Variants in LRRC74A observed in about 807,000 individuals in gnomAD.
LRRC74A encodes the protein leucine-rich repeat-containing protein 74A.
In LRRC74A, 44 loss-of-function variants were observed where a neutral mutation model predicts 57.9. That is an observed-to-expected ratio of 0.76 (90% confidence interval 0.60 to 0.98). The LOEUF (loss-of-function observed/expected upper bound fraction) is 0.98, where lower values mean the gene tolerates loss of function less well. Among genes scored for constraint, LRRC74A ranks in the 50% least tolerant of loss-of-function variants. The pLI, the probability that LRRC74A is intolerant of heterozygous loss-of-function variation, is 0.00. For synonymous variants in LRRC74A, 211 were observed against 219.4 expected (o/e 0.96, Z 0.34); for missense variants, 572 against 574.0 (o/e 1.00, Z 0.04).
chr14:76,860,656 C>A (rs1212933381), intron 10 of LRRC74A, 37 bp from the exon 11 acceptor site: 1 of 1,563,740 alleles, frequency 6.4e-7, no homozygotes, highest in South Asian at 1.2e-5. Context: ...GATGGCAGTG[C>A]CCTCATCATC....
chr14:76,836,791 CAA>C (rs11339843), intron 4 of LRRC74A, among the ~76,000 whole-genome samples: 65 of 92,880 alleles, frequency 7.0e-4, no homozygotes, highest in East Asian at 1.0e-3. Context: ...GACTCCATCT[CAA>C]AAAAAAAAAA....
In LRRC74A at chr14:76,852,355, CCT is replaced by C; in HGVS notation, c.677-9_677-8del. ...TGGGAGATGCTAAGCCGATTCCCTC[CCT>C]GTTTCAGCCATCAACGTGGGGCTCA... On this transcript the variant is annotated splice_polypyrimidine_tract_variant and splice_region_variant and intron_variant, in intron 7 of 13. Transcript: ENST00000689127. 1 of 1,600,252 alleles carries C rather than the reference CCT, an allele frequency of 6.2e-7. No individual in the cohort carries two copies. Among genetic ancestry groups the C allele is most frequent in the Non-Finnish European group, 8.6e-7 (1 of 1,169,274 alleles).
At chr14:76,854,512 C>T (rs914758885) in intron 9 of LRRC74A, among the ~76,000 whole-genome samples, 1 of 152,154 alleles carries the variant, frequency 6.6e-6, no homozygotes, top group Non-Finnish European at 1.5e-5. Context: ...GAGGCTGAGG[C>T]AGGAGAATCA....
chr14:76,838,003 T>C (rs756534698), intron 5 of LRRC74A, 32 bp downstream of exon 5: 40 of 1,376,038 alleles, frequency 2.9e-5, no homozygotes, highest in South Asian at 1.0e-4. Context: ...GAGAAGACAC[T>C]GGGAATCAGA....
rs1035286862 is a variant in LRRC74A at position 76,837,758 on chromosome 14, C to G, written c.448-117C>G. 8 of 580,794 alleles carry G rather than the reference C, an allele frequency of 1.4e-5. No homozygotes were observed. The African/African-American group carries it at 1.5e-4, about 11-fold the overall frequency. The allele number at this position is 580,794 out of a possible 1,614,324, so 36.0% of individuals were successfully genotyped here. On this transcript the variant is annotated intron_variant, in intron 4 of 13. Coordinates refer to ENST00000689127, the MANE Select transcript of LRRC74A (RefSeq NM_001385106.1). ...CCTCCCTAATCCTCCTAATCCTTTC[C>G]CACCCCAACCCTACTCCCTCAGCAC...
At chr14:76,864,591 T>C (rs183405999) in intron 11 of LRRC74A, among the ~76,000 whole-genome samples, 14 of 152,292 alleles carry the variant, frequency 9.2e-5, no homozygotes, top group South Asian at 6.2e-4. Flanking sequence ...CAGTAGCTCA[T>C]GCCTGTAATC....
At chr14:76,850,063 C>T (rs1430066333) in intron 7 of LRRC74A, among the ~76,000 whole-genome samples, 1 of 151,872 alleles carries the variant, frequency 6.6e-6, no homozygotes, top group Non-Finnish European at 1.5e-5. Context: ...ATAAAATTAG[C>T]CAGGCATGGT....
intron 7 of LRRC74A, among the ~76,000 whole-genome samples, chr14:76,847,449 G>A (rs185223998): frequency 4.0e-4 from 61 of 152,138 alleles, no homozygotes; most frequent in Non-Finnish European, 6.9e-4. Context: ...AGAGAAAACC[G>A]AATACCACCT....
intron 11 of LRRC74A, among the ~76,000 whole-genome samples, chr14:76,864,030 C>T (rs1246295153): frequency 2.6e-5 from 4 of 152,238 alleles, no homozygotes; most frequent in Non-Finnish European, 5.9e-5. Context: ...TGGGGAATGT[C>T]GCTTTCAGCT....
At position 76,826,547 on chromosome 14, in the gene LRRC74A, G is replaced by A; in HGVS notation, c.-151G>A. On this transcript the variant is annotated 5_prime_UTR_variant, in exon 1 of 14. Transcript: ENST00000689127. ...TACTCTTCCCAGGGCTTGCTGGGAGGGAAGGATAACTGCAGGCTCCCCTGG... is the reference window on the plus strand; with the variant it reads ...TACTCTTCCCAGGGCTTGCTGGGAGAGAAGGATAACTGCAGGCTCCCCTGG... 2 of 1,611,866 alleles carry A rather than the reference G, an allele frequency of 1.2e-6. No individual in the cohort carries two copies. Among genetic ancestry groups the A allele is most frequent in the Non-Finnish European group, 1.7e-6 (2 of 1,179,110 alleles).
rs1037999344 is a variant in LRRC74A at position 76,827,054 on chromosome 14, G to A, written c.37+320G>A. On this transcript the variant is annotated intron_variant, in intron 1 of 13. Coordinates refer to ENST00000689127, the MANE Select transcript of LRRC74A (RefSeq NM_001385106.1). ...TGAATTGGCTAACACTATAAATCAG[G>A]ATGTTTTTGGTGTTGTTTGTTTTTT... 2.0e-5 allele frequency among the ~76,000 whole-genome samples: 3 copies of A among 152,136 alleles called. No homozygotes were observed. The South Asian group carries it at 6.2e-4, about 32-fold the overall frequency.
chr14:76,849,029 G>C (rs997743977), intron 7 of LRRC74A, among the ~76,000 whole-genome samples: 1 of 152,166 alleles, frequency 6.6e-6, no homozygotes, highest in Non-Finnish European at 1.5e-5. Flanking sequence ...GAGAGCAGAA[G>C]GTATAAAATA....
intron 9 of LRRC74A, among the ~76,000 whole-genome samples, chr14:76,854,244 T>C (rs1897725877): frequency 6.6e-6 from 1 of 152,202 alleles, no homozygotes. Context: ...CTGCCCTTCC[T>C]AATTCCATGC....
At chr14:76,844,326 T>G in intron 5 of LRRC74A, 97 bp from the exon 6 acceptor site, 1 of 1,151,918 alleles carries the variant, frequency 8.7e-7, no homozygotes, top group South Asian at 1.3e-5. Context: ...TTCTGTTCGA[T>G]TGTTCTAAAG....
Position 76,831,257 on chromosome 14 carries a change from A to T in LRRC74A, c.221A>T (p.Lys74Met). 6.2e-7 allele frequency: 1 copy of T among 1,614,060 alleles called. No homozygotes were observed. The highest frequency in any genetic ancestry group is 1.3e-5 in the African/African-American group (1 of 75,058). The change falls in exon 3 of 14, where the codon AAG (lysine) becomes ATG (methionine). Residue 74 changes from lysine to methionine, a missense_variant. By Grantham distance (95) the Lys-to-Met change is moderately conservative (BLOSUM62 -1). Transcript: ENST00000689127. ...GQKELYLEACKLMGVVPVSYF... is the reference protein window; with the variant it reads ...GQKELYLEACMLMGVVPVSYF... ...AAGGAGCTGTACCTGGAGGCCTGCA[A>T]GCTGATGGGTGTAGTGCCTGTCTCC...
intron 5 of LRRC74A, among the ~76,000 whole-genome samples, chr14:76,839,397 G>C (rs1226991743): frequency 6.6e-6 from 1 of 152,166 alleles, no homozygotes; most frequent in Non-Finnish European, 1.5e-5. Flanking sequence ...AAGTCACAGT[G>C]CTTGGGTTCA....
At chr14:76,833,718 C>T (rs1896129149) in intron 3 of LRRC74A, among the ~76,000 whole-genome samples, 1 of 152,140 alleles carries the variant, frequency 6.6e-6, no homozygotes, top group Admixed American at 6.5e-5. Flanking sequence ...GCTGGGATTA[C>T]AGGCATGAGC....
rs1308860048 is a variant in LRRC74A, at chr14:76,867,316, A to G, written c.1309-40A>G. On this transcript the variant is annotated intron_variant, in intron 12 of 13. Coordinates refer to ENST00000689127, the MANE Select transcript of LRRC74A (RefSeq NM_001385106.1). The stretch of plus-strand genomic sequence containing the variant: ...GGGGTGTGCCTAGGGAGGGGTGAAC[A>G]GAGTTCTATTAACTGCACATGTTCC... The G allele has an allele frequency of 3.0e-6, 3 of 995,788 alleles. No homozygotes were observed. The African/African-American group carries it at 5.0e-5, about 16-fold the overall frequency. The allele number at this position is 995,788 out of a possible 1,614,324, so 61.7% of individuals were successfully genotyped here. A position where few individuals can be genotyped will look rare whatever the true frequency, so the allele number is the denominator to read the frequency against.
chr14:76,864,318 A>T (rs1244001669), intron 11 of LRRC74A, among the ~76,000 whole-genome samples: 1 of 150,818 alleles, frequency 6.6e-6, no homozygotes, highest in Non-Finnish European at 1.5e-5. Context: ...CCCAGGGCTG[A>T]ACCCTGAGGA....
Sources: allele counts gnomAD v4.1 joint callset (sites outside exome capture counted in the v4.1 genomes callset), GRCh38; gene constraint gnomAD v4.1.1; transcripts MANE v1.5; gene names NCBI Gene and HGNC (gene_info 2026-07-23, HGNC 2026-07-21).